The following OSBPL8 variants were observed in gnomAD, a reference collection of about 807,000 sequenced individuals.
The protein encoded by OSBPL8 is oxysterol-binding protein-related protein 8.
A neutral mutation model predicts 125.5 loss-of-function variants in OSBPL8; 59 were observed. The ratio of observed to expected loss-of-function variants is 0.47; its 90% CI spans 0.38 to 0.58. OSBPL8 has a LOEUF of 0.58. Ranked by LOEUF, OSBPL8 falls within the 20% of genes least tolerant of loss-of-function variation. The pLI, the probability that OSBPL8 is intolerant of heterozygous loss-of-function variation, is 0.00. For synonymous variants in OSBPL8, 330 were observed against 338.9 expected (o/e 0.97, Z 0.29); for missense variants, 758 against 1,047.8 (o/e 0.72, Z 3.82).
At chr12:76,378,379 T>A in intron 16 of OSBPL8, 73 bp downstream of exon 16, 1 of 1,046,202 alleles carries the variant, frequency 9.6e-7, no homozygotes, top group South Asian at 1.6e-5. Flanking sequence ...TCACAAAGCA[T>A]AACAAATCAC....
chr12:76,444,699 G>A (rs1255225193), intron 4 of OSBPL8, among the ~76,000 whole-genome samples: 1 of 152,166 alleles, frequency 6.6e-6, no homozygotes, highest in African/African-American at 2.4e-5. Flanking sequence ...TGGTCCAGAA[G>A]TTGCTACATC....
chr12:76,396,341 G>A (rs1953803148), intron 8 of OSBPL8, among the ~76,000 whole-genome samples: 1 of 152,008 alleles, frequency 6.6e-6, no homozygotes, highest in Admixed American at 6.6e-5. Context: ...CAAGAAAAAA[G>A]GATTAAGCTA....
At chr12:76,473,372 C>A (rs906343030) in intron 2 of OSBPL8, among the ~76,000 whole-genome samples, 5 of 152,006 alleles carry the variant, frequency 3.3e-5, no homozygotes, top group Non-Finnish European at 7.4e-5. Context: ...GGCTTGCCAC[C>A]CACACACTAC....
At chr12:76,505,508 G>T (rs1880321951) in intron 1 of OSBPL8, among the ~76,000 whole-genome samples, 1 of 151,976 alleles carries the variant, frequency 6.6e-6, no homozygotes, top group Non-Finnish European at 1.5e-5. Flanking sequence ...AAAATATATT[G>T]TGTATTATAA....
In OSBPL8 at chr12:76,357,139, C is replaced by T. The variant is rs148095856; in HGVS notation, c.2435-411G>A. 1.3e-3 allele frequency among the ~76,000 whole-genome samples: 191 copies of T among 152,238 alleles called. 7 individuals carry two copies. The East Asian group carries it at 0.034, about 27-fold the overall frequency. On this transcript the variant is annotated intron_variant, in intron 22 of 23. Coordinates refer to ENST00000261183, the MANE Select transcript of OSBPL8 (RefSeq NM_020841.5). ...AAACTTTAAATCCCTTTCGACACCA[C>T]TTCTGCAAATTTTTACTGCCAATCA...
At chr12:76,424,942 A>G (rs988174994) in intron 4 of OSBPL8, among the ~76,000 whole-genome samples, 8 of 152,340 alleles carry the variant, frequency 5.3e-5, no homozygotes, top group African/African-American at 7.2e-5. Flanking sequence ...ACAAGTAGTC[A>G]TGGTCTTGCA....
At chr12:76,442,257 C>T (rs1872274053) in intron 4 of OSBPL8, among the ~76,000 whole-genome samples, 1 of 152,126 alleles carries the variant, frequency 6.6e-6, no homozygotes, top group Non-Finnish European at 1.5e-5. Flanking sequence ...CAAAGTATTT[C>T]AGTTTCTCCT....
At chr12:76,532,731 C>G (rs1950381667) in intron 1 of OSBPL8, among the ~76,000 whole-genome samples, 1 of 140,038 alleles carries the variant, frequency 7.1e-6, no homozygotes, top group African/African-American at 3.3e-5. Context: ...AAAAAAAGAG[C>G]CAGACCAATC....
chr12:76,473,819 C>T (rs1288647056), intron 2 of OSBPL8, among the ~76,000 whole-genome samples: 7 of 152,124 alleles, frequency 4.6e-5, no homozygotes, highest in Admixed American at 2.6e-4. Flanking sequence ...AAGGTTCACC[C>T]CTGGAGCCAA....
At chr12:76,556,820 C>T (rs186866306) in intron 1 of OSBPL8, among the ~76,000 whole-genome samples, 24 of 152,212 alleles carry the variant, frequency 1.6e-4, no homozygotes, top group African/African-American at 4.8e-4. Context: ...CACACTGCCA[C>T]GCCCAGCTAA....
chr12:76,459,212 T>C (rs1471380433), intron 3 of OSBPL8, among the ~76,000 whole-genome samples: 3 of 152,170 alleles, frequency 2.0e-5, no homozygotes, highest in African/African-American at 7.2e-5. Flanking sequence ...AATTCTATGA[T>C]TTTTAATATA....
At chr12:76,525,207 A>C (rs1950139280) in intron 1 of OSBPL8, among the ~76,000 whole-genome samples, 1 of 152,214 alleles carries the variant, frequency 6.6e-6, no homozygotes, top group Non-Finnish European at 1.5e-5. Context: ...AATTATTTGA[A>C]CATTTGCTGG....
intron 1 of OSBPL8, among the ~76,000 whole-genome samples, chr12:76,508,189 A>G (rs1274044690): frequency 2.0e-5 from 3 of 152,172 alleles, no homozygotes; most frequent in Admixed American, 2.0e-4. Flanking sequence ...AAAAAGAAGA[A>G]TATTACTGGA....
chr12:76,523,808 T>C (rs902617043), intron 1 of OSBPL8, among the ~76,000 whole-genome samples: 1 of 152,148 alleles, frequency 6.6e-6, no homozygotes, highest in African/African-American at 2.4e-5. Flanking sequence ...CAGTATTTTA[T>C]TACAGCAGCC....
Position 76,385,470 on chromosome 12 carries a change from A to G in OSBPL8, c.1533+698T>C, listed in dbSNP as rs565635255. On this transcript the variant is annotated intron_variant, in intron 14 of 23. Transcript: ENST00000261183. ...ATCATAGGGGAGAAGAGGGAATTAA[A>G]GAAGCTAACAATTCAATTAGGAAAA... Among the ~76,000 whole-genome samples, 8 of 152,338 alleles carry G rather than the reference A, an allele frequency of 5.3e-5. No individual in the cohort carries two copies. In the South Asian group the frequency reaches 1.7e-3, roughly 32 times the overall value.
intron 4 of OSBPL8, among the ~76,000 whole-genome samples, chr12:76,436,865 C>T (rs1458849664): frequency 2.0e-5 from 3 of 152,186 alleles, no homozygotes; most frequent in Non-Finnish European, 2.9e-5. Context: ...ATTCTGTTTA[C>T]TCATTCCATT....
chr12:76,401,649 CTAT>C (rs1954057994), intron 6 of OSBPL8, among the ~76,000 whole-genome samples: 1 of 152,106 alleles, frequency 6.6e-6, no homozygotes, highest in Admixed American at 6.5e-5. Context: ...TATACTGCTT[CTAT>C]AATATTTATT....
At chr12:76,374,386 T>C (rs1018764127) in intron 17 of OSBPL8, among the ~76,000 whole-genome samples, 7 of 152,156 alleles carry the variant, frequency 4.6e-5, no homozygotes, top group Admixed American at 6.6e-5. Flanking sequence ...GGGGTCTATA[T>C]TTCTTCTCCT....
chr12:76,493,057 T>C (rs1236270154), intron 1 of OSBPL8, among the ~76,000 whole-genome samples: 1 of 152,210 alleles, frequency 6.6e-6, no homozygotes, highest in African/African-American at 2.4e-5. Flanking sequence ...TACAGTGCAT[T>C]TGGAGTAGAA....
Sources: gnomAD v4.1 joint callset for allele counts (sites outside exome capture counted in the v4.1 genomes callset) on GRCh38, gnomAD v4.1.1 for gene constraint, MANE v1.5 for transcripts, NCBI Gene and HGNC (gene_info 2026-07-23, HGNC 2026-07-21) for gene names.